PDE3B: variants seen among roughly 807,000 people sequenced by gnomAD.
The protein encoded by PDE3B is cGMP-inhibited 3',5'-cyclic phosphodiesterase 3B.
Under a neutral mutation model 116.8 loss-of-function variants are expected in PDE3B, and 66 were observed. That is an observed-to-expected ratio of 0.56 (90% CI 0.46 to 0.69). The LOEUF (loss-of-function observed/expected upper bound fraction) is 0.69, where lower values mean the gene tolerates loss of function less well. Among genes scored for constraint, PDE3B ranks in the 30% least tolerant of loss-of-function variants. The pLI, the probability that PDE3B is intolerant of heterozygous loss-of-function variation, is 0.00. For missense variants in PDE3B, 1,384 were observed against 1,368.1 expected (o/e 1.01, Z -0.18); for synonymous variants, 595 against 533.6 (o/e 1.12, Z -1.59).
chr11:14,692,981 G>A (rs1663510667), intron 1 of PDE3B, among the ~76,000 whole-genome samples: 17 of 152,202 alleles, frequency 1.1e-4, no homozygotes, highest in Admixed American at 1.1e-3. Flanking sequence ...AAAAGTTCTT[G>A]AAGGAAATTA....
At chr11:14,831,994 A>G (rs1419128902) in intron 9 of PDE3B, among the ~76,000 whole-genome samples, 1 of 152,172 alleles carries the variant, frequency 6.6e-6, no homozygotes, top group Non-Finnish European at 1.5e-5. Flanking sequence ...GACCATATTA[A>G]TGGGATTTAA....
At chr11:14,695,892 A>G (rs1055067701) in intron 1 of PDE3B, among the ~76,000 whole-genome samples, 4 of 151,956 alleles carry the variant, frequency 2.6e-5, no homozygotes, top group African/African-American at 9.7e-5. Flanking sequence ...TGTATGCACC[A>G]TTTTCTTTAT....
chr11:14,650,495 A>G (rs547379803), intron 1 of PDE3B, among the ~76,000 whole-genome samples: 19 of 152,292 alleles, frequency 1.2e-4, no homozygotes, highest in African/African-American at 4.6e-4. Flanking sequence ...ATGTTACCTT[A>G]TGTGGCAAAA....
chr11:14,775,938 C>G (rs963341768), intron 2 of PDE3B: 4 of 152,148 alleles, frequency 2.6e-5, no homozygotes, highest in Non-Finnish European at 5.9e-5. Context: ...GCATGTGTTA[C>G]CATATGTAAC....
At chr11:14,673,978 TG>T (rs1854455587) in intron 1 of PDE3B, 1 of 1,354,776 alleles carries the variant, frequency 7.4e-7, no homozygotes, top group Non-Finnish European at 1.1e-6. Flanking sequence ...TCCTCAAGAA[TG>T]GAATCCACAT....
intron 1 of PDE3B, among the ~76,000 whole-genome samples, chr11:14,726,742 T>C (rs1352351316): frequency 7.2e-5 from 11 of 152,142 alleles, no homozygotes; most frequent in Admixed American, 7.2e-4. Context: ...AAATTAACCA[T>C]TGGATTTGCA....
At chr11:14,688,602 TTTTA>T (rs1299510933) in intron 1 of PDE3B, among the ~76,000 whole-genome samples, 5 of 152,218 alleles carry the variant, frequency 3.3e-5, no homozygotes, top group Admixed American at 6.5e-5. Context: ...CTTGTATTTA[TTTTA>T]TTTCTCAGAA....
chr11:14,865,969 A>C (rs1362909663), intron 14 of PDE3B, among the ~76,000 whole-genome samples: 1 of 152,160 alleles, frequency 6.6e-6, no homozygotes, highest in Non-Finnish European at 1.5e-5. Flanking sequence ...GCAAACCTGG[A>C]AGCCATGCCT....
chr11:14,881,818 T>G, the PDE3B span, among the ~76,000 whole-genome samples: 2 of 152,082 alleles, frequency 1.3e-5, no homozygotes, highest in Admixed American at 1.3e-4. Context: ...GCCAGCACCA[T>G]GCTTCCTATA....
At chr11:14,843,721 C>A in intron 11 of PDE3B, 106 bp from the exon 12 acceptor site, 1 of 796,088 alleles carries the variant, frequency 1.3e-6, no homozygotes, top group Non-Finnish European at 2.1e-6. Flanking sequence ...CTTAAATCAG[C>A]AAATAAAATA....
the PDE3B span, chr11:14,879,368 G>A: frequency 2.5e-6 from 4 of 1,611,402 alleles, no homozygotes; most frequent in South Asian, 4.4e-5. Context: ...CTCAGTATAA[G>A]GCATTTTGCA....
chr11:14,747,348 G>A (rs1164735392), intron 1 of PDE3B, among the ~76,000 whole-genome samples: 1 of 152,098 alleles, frequency 6.6e-6, no homozygotes, highest in Non-Finnish European at 1.5e-5. Context: ...CAGAATCATA[G>A]TATTGTAAAG....
chr11:14,789,026 C>G, intron 3 of PDE3B, 80 bp from the exon 4 acceptor site: 1 of 954,786 alleles, frequency 1.0e-6, no homozygotes, highest in Non-Finnish European at 1.5e-6. Context: ...TGTATTGATA[C>G]TTTCATGTGC....
intron 7 of PDE3B, among the ~76,000 whole-genome samples, chr11:14,824,174 G>T (rs1859615411): frequency 6.6e-6 from 1 of 152,168 alleles, no homozygotes; most frequent in African/African-American, 2.4e-5. Context: ...AGGCAGCCCA[G>T]CAGTTAAAGG....
At chr11:14,812,020 A>G (rs1269689273) in intron 5 of PDE3B, among the ~76,000 whole-genome samples, 10 of 152,134 alleles carry the variant, frequency 6.6e-5, no homozygotes, top group Admixed American at 6.6e-4. Flanking sequence ...GAAGTTGCTT[A>G]TCAGCTTAAG....
chr11:14,716,285 G>C (rs1433310546), intron 1 of PDE3B, among the ~76,000 whole-genome samples: 2 of 152,074 alleles, frequency 1.3e-5, no homozygotes, highest in African/African-American at 4.8e-5. Flanking sequence ...ACGGAATCTC[G>C]CTGATTGCTA....
At chr11:14,878,402 G>A in the PDE3B span, 1 of 1,082,778 alleles carries the variant, frequency 9.2e-7, no homozygotes, top group African/African-American at 1.6e-5. Context: ...TTTAAACAAA[G>A]AAAGAGGGAA....
intron 1 of PDE3B, among the ~76,000 whole-genome samples, chr11:14,702,776 G>T (rs979645459): frequency 6.6e-6 from 1 of 151,930 alleles, no homozygotes; most frequent in Non-Finnish European, 1.5e-5. Flanking sequence ...CCAGTCCAGT[G>T]CAGATATAGG....
intron 2 of PDE3B, among the ~76,000 whole-genome samples, chr11:14,780,863 C>T (rs1565133837): frequency 6.6e-6 from 1 of 152,050 alleles, no homozygotes. Flanking sequence ...TTCAAAAAAT[C>T]AATGAATCCA....
Sources: allele counts gnomAD v4.1 joint callset (sites outside exome capture counted in the v4.1 genomes callset), GRCh38; gene constraint gnomAD v4.1.1; transcripts MANE v1.5; gene names NCBI Gene and HGNC (gene_info 2026-07-23, HGNC 2026-07-21).